Variants in MAPT observed in about 807,000 individuals in gnomAD.
The protein encoded by MAPT is microtubule-associated protein tau.
In MAPT, 34 loss-of-function variants were observed where a neutral mutation model predicts 67.9. That is an observed-to-expected ratio of 0.50 (90% CI 0.38 to 0.67). The LOEUF (loss-of-function observed/expected upper bound fraction) is 0.67. MAPT is among the 30% of genes least tolerant of loss of function. MAPT has a pLI of 0.00. For synonymous variants in MAPT, 456 were observed against 464.5 expected (o/e 0.98, Z 0.23); for missense variants, 881 against 1,115.2 (o/e 0.79, Z 2.99).
At chr17:45,990,923 G>A (rs62063796) in intron 7 of MAPT, among the ~76,000 whole-genome samples, 22,024 of 152,112 alleles carry the variant, frequency 0.14, 2,119 homozygotes, top group Non-Finnish European at 0.22. Flanking sequence ...TCGGGTGCTC[G>A]CCTGGTCTGA....
At chr17:45,990,845 G>T (rs1598302736) in intron 7 of MAPT, among the ~76,000 whole-genome samples, 1 of 152,206 alleles carries the variant, frequency 6.6e-6, no homozygotes, top group Non-Finnish European at 1.5e-5. Context: ...CCCAGGGACT[G>T]CCCTAGTCCC....
intron 12 of MAPT, among the ~76,000 whole-genome samples, chr17:46,021,711 T>C (rs1487907287): frequency 2.0e-5 from 3 of 152,230 alleles, no homozygotes; most frequent in Non-Finnish European, 4.4e-5. Flanking sequence ...GGAAGGTTCC[T>C]GGTGCGTTGC....
At chr17:46,008,835 C>T (rs774753527) in intron 9 of MAPT, among the ~76,000 whole-genome samples, 4 of 152,126 alleles carry the variant, frequency 2.6e-5, no homozygotes, top group Admixed American at 6.5e-5. Flanking sequence ...ATTTCGGAAG[C>T]GGCCTGGGCA....
At chr17:45,981,881 G>A (rs1359537458) in intron 4 of MAPT, among the ~76,000 whole-genome samples, 1 of 151,970 alleles carries the variant, frequency 6.6e-6, no homozygotes, top group Non-Finnish European at 1.5e-5. Context: ...TTAGTCAGAC[G>A]TGGTGGCATG....
intron 2 of MAPT, among the ~76,000 whole-genome samples, chr17:45,963,273 C>G (rs2070657584): frequency 6.6e-6 from 1 of 152,214 alleles, no homozygotes; most frequent in South Asian, 2.1e-4. Context: ...CTCTTCCTCT[C>G]TCTTTCCAAA....
intron 9 of MAPT, among the ~76,000 whole-genome samples, chr17:46,002,208 C>T (rs1444702707): frequency 6.6e-6 from 1 of 152,084 alleles, no homozygotes; most frequent in Non-Finnish European, 1.5e-5. Flanking sequence ...GGACGGTGGC[C>T]CTGAAGAGAG....
chr17:45,938,844 C>A (rs139766847), intron 1 of MAPT, among the ~76,000 whole-genome samples: 5,052 of 143,838 alleles, frequency 0.035, 318 homozygotes, highest in African/African-American at 0.12. Context: ...GACAGAGTCT[C>A]ACTCAGTCAC....
At chr17:45,952,059 C>T (rs2069138634) in intron 1 of MAPT, among the ~76,000 whole-genome samples, 1 of 152,178 alleles carries the variant, frequency 6.6e-6, no homozygotes, top group Non-Finnish European at 1.5e-5. Context: ...ATTTTCCTGT[C>T]TGTGTGTCTC....
Position 46,010,353 on chromosome 17 carries a change from C to T in MAPT, c.2042C>T (p.Ser681Phe). The change falls in exon 10 of 13, where the codon TCC (serine) becomes TTC (phenylalanine). Residue 681 changes from serine (S) to phenylalanine (F), a missense_variant. Ser to Phe is a radical substitution (Grantham distance 155, BLOSUM62 -2). Around this residue, in one of 6 missense-constraint regions of MAPT, gnomAD observed 34 missense variants for 51.2 expected, o/e 0.66. Coordinates refer to ENST00000262410, the MANE Select transcript of MAPT (RefSeq NM_001377265.1). The surrounding 1 kb of genome is among the most constrained non-coding windows in gnomAD (Gnocchi z 4.7). ...AAGCTGGATCTTAGCAACGTCCAGT[C>T]CAAGTGTGGCTCAAAGGATAATATC... ...NKKLDLSNVQ[S>F]KCGSKDNIKH... 3 of 1,583,070 alleles carry T rather than the reference C, an allele frequency of 1.9e-6. No individual in the cohort carries two copies. The highest frequency in any genetic ancestry group is 2.6e-6 in the Non-Finnish European group (3 of 1,163,628).
intron 1 of MAPT, among the ~76,000 whole-genome samples, chr17:45,958,859 T>C (rs959554728): frequency 6.6e-6 from 1 of 151,928 alleles, no homozygotes; most frequent in Non-Finnish European, 1.5e-5. Context: ...GATCAGGAGT[T>C]CTAGACCAGC....
At chr17:45,990,764 G>A (rs1389663499) in intron 7 of MAPT, among the ~76,000 whole-genome samples, 1 of 152,110 alleles carries the variant, frequency 6.6e-6, no homozygotes, top group Non-Finnish European at 1.5e-5. Flanking sequence ...ACTAGCTTGT[G>A]GTCCTTGGTT....
intron 2 of MAPT, among the ~76,000 whole-genome samples, chr17:45,968,114 C>T (rs1048743841): frequency 6.6e-6 from 1 of 152,116 alleles, no homozygotes; most frequent in Non-Finnish European, 1.5e-5. Flanking sequence ...CTATAACCCA[C>T]AAGCCAATTC....
In MAPT at chr17:45,946,615, A is replaced by AAT. The variant is rs1177094945; in HGVS notation, c.-17-15683_-17-15682dup. ...CTCTGTCTTAAAAAAAAAAAAAAAA[A>AAT]ATATATATATATATATATATATATG... On this transcript the variant is annotated intron_variant, in intron 1 of 12. Transcript: ENST00000262410. Among the ~76,000 whole-genome samples, 317 of 100,384 alleles carry AAT rather than the reference A, an allele frequency of 3.2e-3. 3 individuals carry two copies. The highest frequency in any genetic ancestry group is 0.013 in the African/African-American group (302 of 22,978). 65.9% of individuals were successfully genotyped at this position (100,384 alleles called of 152,430 possible).
At chr17:46,022,782 C>T (rs1206603941) in intron 12 of MAPT, among the ~76,000 whole-genome samples, 1 of 152,152 alleles carries the variant, frequency 6.6e-6, no homozygotes, top group Admixed American at 6.6e-5. Flanking sequence ...AAAAGGGCTT[C>T]AGCCAGGCAC....
rs575250425 is a variant in MAPT, at chr17:45,903,640, G to A, written c.-18+8954G>A. ...TGAGGCAGGGGAATGGCGTGAACCC[G>A]GGAGGTGGAGGTTGCAGTGAGCCGA... On this transcript the variant is annotated intron_variant, in intron 1 of 12. Coordinates refer to ENST00000262410, the MANE Select transcript of MAPT (RefSeq NM_001377265.1). 4.1e-3 allele frequency among the ~76,000 whole-genome samples: 591 copies of A among 142,598 alleles called. 6 individuals are homozygous for A. Among genetic ancestry groups the A allele is most frequent in the African/African-American group, 0.015 (578 of 38,380 alleles). The allele number at this position is 142,598 out of a possible 152,430, so 93.5% of individuals were successfully genotyped here. A position where few individuals can be genotyped will look rare whatever the true frequency, so the allele number is the denominator to read the frequency against.
intron 1 of MAPT, among the ~76,000 whole-genome samples, chr17:45,911,587 C>A (rs2064795782): frequency 6.6e-6 from 1 of 151,564 alleles, no homozygotes; most frequent in African/African-American, 2.4e-5. Flanking sequence ...ATAGGGAGAC[C>A]CTGTCTCTAC....
chr17:45,899,715 A>T (rs2063494771), intron 1 of MAPT, among the ~76,000 whole-genome samples: 1 of 152,236 alleles, frequency 6.6e-6, no homozygotes, highest in African/African-American at 2.4e-5. Context: ...TAATCGGAGC[A>T]TGACCCAGAA....
chr17:46,020,689 A>T (rs1477605633), intron 12 of MAPT, among the ~76,000 whole-genome samples: 1 of 152,046 alleles, frequency 6.6e-6, no homozygotes, highest in East Asian at 1.9e-4. Flanking sequence ...TGTGCAGGGG[A>T]ACTCCCCTTT....
intron 5 of MAPT, 45 bp from the exon 6 acceptor site, chr17:45,986,995 G>A (rs1398082555): frequency 1.3e-6 from 2 of 1,565,206 alleles, no homozygotes; most frequent in Non-Finnish European, 1.8e-6. Context: ...TCTGTGAACA[G>A]TGAAAATGGA....
Sources: gnomAD v4.1 joint callset for allele counts (sites outside exome capture counted in the v4.1 genomes callset) on GRCh38, gnomAD v4.1.1 for gene constraint, gnomAD v4.1.1 regional missense constraint, Gnocchi (gnomAD v3.1) non-coding constraint, MANE v1.5 for transcripts, NCBI Gene and HGNC (gene_info 2026-07-23, HGNC 2026-07-21) for gene names.